Variants in RNF213 observed in about 807,000 individuals in gnomAD.
RNF213 encodes E3 ubiquitin-protein ligase RNF213.
RNF213 carries 341 observed loss-of-function variants against 514.4 expected under a neutral mutation model. The ratio of observed to expected loss-of-function variants is 0.66; its 90% CI spans 0.61 to 0.73. The LOEUF (loss-of-function observed/expected upper bound fraction) is 0.73, where lower values mean the gene tolerates loss of function less well. Among genes scored for constraint, RNF213 ranks in the 30% least tolerant of loss-of-function variants. The pLI is 0.00. For synonymous variants in RNF213, 2,655 were observed against 2,658.2 expected, an observed-to-expected ratio of 1.00 and a Z score of 0.04; for missense variants, 5,767 against 6,615.6, an observed-to-expected ratio of 0.87 and a Z score of 4.45.
At chr17:80,326,840 T>C (rs1212127315) in intron 18 of RNF213, among the ~76,000 whole-genome samples, 2 of 152,224 alleles carry the variant, frequency 1.3e-5, no homozygotes, top group Non-Finnish European at 2.9e-5. Context: ...GTTTTTGCAA[T>C]GATTAGTAAA....
Position 80,339,474 on chromosome 17 carries a change from T to G in RNF213, c.5107T>G (p.Phe1703Val). 1 of 1,537,152 alleles carries G rather than the reference T, an allele frequency of 6.5e-7. No homozygotes were observed. Among genetic ancestry groups the G allele is most frequent in the South Asian group, 1.2e-5 (1 of 84,052 alleles). The change falls in exon 26 of 68, where the codon TTC becomes GTC. Residue 1703 changes from phenylalanine to valine, a missense_variant. By Grantham distance (50) the Phe-to-Val change is conservative. Around this residue, in one of 13 missense-constraint regions of RNF213, gnomAD observed 1,377 missense variants for 1,635.2 expected, o/e 0.84. Coordinates refer to ENST00000582970, the MANE Select transcript of RNF213 (RefSeq NM_001256071.3). ...GCGAATGGAGCACTTTTACCTGAAC[T>G]TCTACACGGCAGAGCAGCTGGTTTA... ...QKRMEHFYLN[F>V]YTAEQLVYLS...
At position 80,288,563 on chromosome 17, in the gene RNF213, C is replaced by G. The variant is rs2044560974; in HGVS notation, c.811-70C>G. 1.9e-6 allele frequency: 3 copies of G among 1,613,612 alleles called. No individual in the cohort carries two copies. The highest frequency in any genetic ancestry group is 2.5e-6 in the Non-Finnish European group (3 of 1,179,968). ...CCTCGGCTTGTGGCAGATGCTGCCC[C>G]TTAAACCATTGAGTCGGAGTCACCC... On this transcript the variant is annotated intron_variant, in intron 4 of 67. Transcript: ENST00000582970. This position sits in a 1 kb window ranked among gnomAD's most constrained non-coding sequence, Gnocchi z 4.9.
At chr17:80,376,647 C>G in intron 52 of RNF213, 104 bp downstream of exon 52, 1 of 1,476,270 alleles carries the variant, frequency 6.8e-7, no homozygotes, top group Non-Finnish European at 9.3e-7. Flanking sequence ...GCATCTTTAT[C>G]TCCTCAGTTC....
chr17:80,289,945 G>C (rs906168784), intron 6 of RNF213, 108 bp downstream of exon 6: 23 of 1,232,750 alleles, frequency 1.9e-5, no homozygotes, highest in Non-Finnish European at 2.4e-5. Context: ...CTAGTCAGCT[G>C]TTTTGGCAAG....
chr17:80,350,426 A>G (rs1396161473), intron 31 of RNF213, 30 bp downstream of exon 31: 3 of 1,493,626 alleles, frequency 2.0e-6, no homozygotes, highest in Non-Finnish European at 9.3e-7. Flanking sequence ...CTCAGAAACT[A>G]TGTAAAAAAC....
rs1339275371 is a variant in RNF213 at position 80,346,374 on chromosome 17, C to T, written c.8039C>T (p.Pro2680Leu). Residue 2680 changes from proline (P) to leucine (L), a missense_variant, in exon 29 of 68, where the codon CCC (proline) becomes CTC (leucine). By Grantham distance (98) the Pro-to-Leu change is moderately conservative. Coordinates refer to ENST00000582970, the MANE Select transcript of RNF213 (RefSeq NM_001256071.3). The surrounding 1 kb of genome is among the most constrained non-coding windows in gnomAD (Gnocchi z 8.1). ...AGCAAAAATCACACCGAGAGAGATC[C>T]CGTCCTCTGGTCGTTGATGCTGGCC... is the stretch of plus-strand genomic sequence containing the variant. ...SVSKNHTERD[P>L]VLWSLMLAIG... 6.2e-7 allele frequency: 1 copy of T among 1,613,380 alleles called. No homozygotes were observed. Among genetic ancestry groups the T allele is most frequent in the African/African-American group, 1.3e-5 (1 of 74,894 alleles).
At chr17:80,350,648 A>G (rs539959892) in intron 31 of RNF213, among the ~76,000 whole-genome samples, 2 of 152,326 alleles carry the variant, frequency 1.3e-5, no homozygotes, top group South Asian at 4.2e-4. Context: ...CTAAAAAAAT[A>G]AAATAATTAG....
intron 14 of RNF213, 139 bp downstream of exon 14, chr17:80,309,310 G>A (rs1598977883): frequency 1.9e-6 from 2 of 1,032,802 alleles, no homozygotes; most frequent in East Asian, 5.0e-5. Flanking sequence ...GACATTTCTT[G>A]TGCACCTGCT....
chr17:80,389,978 C>CT, intron 66 of RNF213, 34 bp from the exon 67 acceptor site: 1 of 1,613,906 alleles, frequency 6.2e-7, no homozygotes, highest in Non-Finnish European at 8.5e-7. Context: ...TCCCTGCAGG[C>CT]TTTAATGCTT....
intron 3 of RNF213, among the ~76,000 whole-genome samples, chr17:80,286,361 C>T (rs942371466): frequency 1.3e-5 from 2 of 152,102 alleles, no homozygotes; most frequent in Non-Finnish European, 2.9e-5. Flanking sequence ...AGGAGAAAAT[C>T]GGAATTTCTG....
intron 16 of RNF213, among the ~76,000 whole-genome samples, chr17:80,318,076 G>A (rs554405983): frequency 1.3e-5 from 2 of 152,204 alleles, no homozygotes; most frequent in East Asian, 1.9e-4. Flanking sequence ...AAGTTAAACC[G>A]TCTCTCCTTG....
In RNF213 at chr17:80,389,857, C is replaced by T. The variant is rs747108985; in HGVS notation, c.15225C>T (p.Thr5075=). The change falls in exon 66 of 68, where the codon ACC becomes ACT. Residue 5075 remains threonine (T), a synonymous_variant. Transcript: ENST00000582970. ...TAAACAGATGCCAGTTAAAACACACCATTGCCCTCTGGCAGTTCCTGTCTG... is the reference window on the plus strand; with the variant it reads ...TAAACAGATGCCAGTTAAAACACACTATTGCCCTCTGGCAGTTCCTGTCTG... ...KALNRCQLKH[T]IALWQFLSAH... 3.1e-6 allele frequency: 5 copies of T among 1,614,142 alleles called. No individual in the cohort carries two copies. Among genetic ancestry groups the T allele is most frequent in the Non-Finnish European group, 4.2e-6 (5 of 1,180,018 alleles).
At chr17:80,266,226 G>C (rs1471508257) in intron 2 of RNF213, among the ~76,000 whole-genome samples, 1 of 150,970 alleles carries the variant, frequency 6.6e-6, no homozygotes, top group Non-Finnish European at 1.5e-5. Flanking sequence ...TAGATCGCTT[G>C]AGCCCAGGAG....
At chr17:80,361,048 C>T (rs2079037091) in intron 38 of RNF213, among the ~76,000 whole-genome samples, 1 of 152,140 alleles carries the variant, frequency 6.6e-6, no homozygotes, top group East Asian at 1.9e-4. Flanking sequence ...GAAGAGCAGC[C>T]CACTTGTTCC....
Position 80,276,439 on chromosome 17 carries a change from T to C in RNF213, c.261+3035T>C, listed in dbSNP as rs1032703413. On this transcript the variant is annotated intron_variant, in intron 3 of 67. Transcript: ENST00000582970. ...TTTTTAATGTTTTAAATTTTTTTAC[T>C]AGTGGAAATCTGCTTGAATTTGTAA... Among the ~76,000 whole-genome samples, 5 of 152,158 alleles carry C rather than the reference T, an allele frequency of 3.3e-5. No individual in the cohort carries two copies. In the East Asian group the frequency reaches 9.6e-4, roughly 29 times the overall value.
chr17:80,306,634 G>A (rs1364659288), intron 12 of RNF213, among the ~76,000 whole-genome samples, 166 bp downstream of exon 12: 1 of 152,092 alleles, frequency 6.6e-6, no homozygotes, highest in Non-Finnish European at 1.5e-5. Flanking sequence ...GGCAGATCAC[G>A]AGGTCAGGAG....
rs2078254203 is a variant in RNF213 at position 80,344,690 on chromosome 17, C to T, written c.6355C>T (p.Pro2119Ser). Reference sequence around the variant, plus strand: ...CTCTCCTTTCCAGCGTACACGTGTACCCCAGTTCAGTTTTCTTGACATCTT... The same window carrying T: ...CTCTCCTTTCCAGCGTACACGTGTATCCCAGTTCAGTTTTCTTGACATCTT... The part of the protein sequence containing the change: ...RSSSALRTRV[P>S]QFSFLDIFPK... The change falls in exon 29 of 68, where the codon CCC (proline) becomes TCC (serine). Residue 2119 changes from proline (P) to serine (S), a missense_variant. Pro to Ser is a moderately conservative substitution (Grantham distance 74). Transcript: ENST00000582970. 1.2e-6 allele frequency: 2 copies of T among 1,614,102 alleles called. No individual in the cohort carries two copies. The highest frequency in any genetic ancestry group is 2.2e-5 in the South Asian group (2 of 91,078).
rs1298623360 is a variant in RNF213, at chr17:80,306,271, A to G, written c.2230A>G (p.Met744Val). 1 of 1,614,034 alleles carries G rather than the reference A, an allele frequency of 6.2e-7. No individual in the cohort carries two copies. Among genetic ancestry groups the G allele is most frequent in the South Asian group, 1.1e-5 (1 of 91,072 alleles). Residue 744 changes from methionine to valine, a missense_variant, in exon 12 of 68, where the codon ATG (methionine) becomes GTG (valine). Met to Val is a conservative substitution (Grantham distance 21). Coordinates refer to ENST00000582970, the MANE Select transcript of RNF213 (RefSeq NM_001256071.3). Reference sequence around the variant, plus strand: ...ATGCAGGAGTTCCCTACTTCAGTTTATGAGAGAGAAGCAGCATTTGCTGAG... The same window carrying G: ...ATGCAGGAGTTCCCTACTTCAGTTTGTGAGAGAGAAGCAGCATTTGCTGAG... ...MLDTSSLLQF[M>V]REKQHLLSID...
intron 44 of RNF213, among the ~76,000 whole-genome samples, chr17:80,368,390 A>C (rs1012760212): frequency 2.0e-5 from 3 of 152,140 alleles, no homozygotes; most frequent in African/African-American, 7.2e-5. Context: ...AGAAAGTCTT[A>C]ACAAAGGTCC....
Sources: allele counts gnomAD v4.1 joint callset (sites outside exome capture counted in the v4.1 genomes callset), GRCh38; gene constraint gnomAD v4.1.1; regional missense constraint gnomAD v4.1.1; non-coding constraint Gnocchi (gnomAD v3.1); transcripts MANE v1.5; gene names NCBI Gene and HGNC (gene_info 2026-07-23, HGNC 2026-07-21).